The following ZYG11B variants were observed in gnomAD, a reference collection of about 807,000 sequenced individuals.
ZYG11B encodes the protein zyg-11 family member B, cell cycle regulator.
ZYG11B carries 36 observed loss-of-function variants against 82.4 expected under a neutral mutation model. The ratio of observed to expected loss-of-function variants is 0.44; its 90% CI spans 0.33 to 0.58. The LOEUF (loss-of-function observed/expected upper bound fraction) is 0.58. ZYG11B is among the 20% of genes least tolerant of loss of function. ZYG11B has a pLI of 0.02. For missense variants in ZYG11B, 552 were observed against 895.6 expected (o/e 0.62, Z 4.90); for synonymous variants, 303 against 312.8 (o/e 0.97, Z 0.33).
chr1:52,781,174 C>T (rs1644853045), intron 4 of ZYG11B, among the ~76,000 whole-genome samples: 1 of 152,040 alleles, frequency 6.6e-6, no homozygotes, highest in Admixed American at 6.6e-5. Context: ...GTCCTTTAAC[C>T]ACTAGAAGTC....
At chr1:52,766,521 A>G (rs927287677) in intron 2 of ZYG11B, among the ~76,000 whole-genome samples, 1 of 151,790 alleles carries the variant, frequency 6.6e-6, no homozygotes, top group Admixed American at 6.6e-5. Flanking sequence ...CTGTTGGCAT[A>G]TATTGATTAT....
At chr1:52,784,145 C>A (rs540610455) in intron 4 of ZYG11B, among the ~76,000 whole-genome samples, 18 of 152,116 alleles carry the variant, frequency 1.2e-4, no homozygotes, top group Non-Finnish European at 2.5e-4. Flanking sequence ...GCACGTGCCA[C>A]CATGCCCAGC....
At chr1:52,797,133 T>TA (rs1239755360) in intron 8 of ZYG11B, among the ~76,000 whole-genome samples, 2 of 74,298 alleles carry the variant, frequency 2.7e-5, no homozygotes, top group African/African-American at 7.4e-5. Context: ...ATATTATATA[T>TA]TTATATATTA....
At chr1:52,769,914 TTG>T (rs1417300933) in intron 2 of ZYG11B, among the ~76,000 whole-genome samples, 2 of 151,988 alleles carry the variant, frequency 1.3e-5, no homozygotes, top group Non-Finnish European at 2.9e-5. Flanking sequence ...TGTTGTTTAG[TTG>T]ATATGTGATA....
chr1:52,821,232 CTATT>C (rs1274600851), intron 13 of ZYG11B, among the ~76,000 whole-genome samples: 18 of 151,450 alleles, frequency 1.2e-4, no homozygotes, highest in Non-Finnish European at 2.2e-4. Context: ...ATCAAGCTAG[CTATT>C]TATTGATTGA....
intron 1 of ZYG11B, among the ~76,000 whole-genome samples, chr1:52,752,167 G>C (rs1571750566): frequency 6.6e-6 from 1 of 152,110 alleles, no homozygotes; most frequent in East Asian, 1.9e-4. Flanking sequence ...GTCAGTCTTG[G>C]CTACAAATTG....
At position 52,747,106 on chromosome 1, in the gene ZYG11B, G is replaced by T. The variant is rs533791617; in HGVS notation, c.31-9352G>T. 2.6e-5 allele frequency among the ~76,000 whole-genome samples: 4 copies of T among 151,986 alleles called. No individual in the cohort carries two copies. In the South Asian group the frequency reaches 8.3e-4, roughly 32 times the overall value. On this transcript the variant is annotated intron_variant, in intron 1 of 13. Transcript: ENST00000294353. ...AGTATAGAAGTTCTACAAGAAAGTT[G>T]TGAGGGGTAAATGATACAATGTGTG...
chr1:52,766,766 T>G (rs1010818531), intron 2 of ZYG11B, among the ~76,000 whole-genome samples: 1 of 152,160 alleles, frequency 6.6e-6, no homozygotes, highest in Non-Finnish European at 1.5e-5. Flanking sequence ...CCCAGCACTT[T>G]GGGAGGCCGA....
chr1:52,796,521 T>C (rs1645007445), intron 7 of ZYG11B, 130 bp downstream of exon 7: 1 of 945,402 alleles, frequency 1.1e-6, no homozygotes, highest in Middle Eastern at 2.2e-4. Context: ...CAAGCTACAT[T>C]CGATATTGCA....
rs1644284928 is a variant in ZYG11B at position 52,726,506 on chromosome 1, T to C, written c.-148T>C. On this transcript the variant is annotated 5_prime_UTR_variant, in exon 1 of 14. Coordinates refer to ENST00000294353, the MANE Select transcript of ZYG11B (RefSeq NM_024646.3). ...CTGCGGCTGCGGCTGCGGCTGCTAC[T>C]GCTACGCTCCTAGCTTGAGGGAAAG... The C allele has an allele frequency of 5.8e-6, 4 of 691,638 alleles. No individual in the cohort carries two copies. The highest frequency in any genetic ancestry group is 4.4e-5 in the Admixed American group (1 of 22,496). 42.8% of individuals were successfully genotyped at this position (691,638 alleles called of 1,614,324 possible).
chr1:52,773,627 A>ATATATATGTTTT (rs1553260059), intron 3 of ZYG11B, among the ~76,000 whole-genome samples: 1 of 29,244 alleles, frequency 3.4e-5, no homozygotes, highest in Non-Finnish European at 5.1e-5. Context: ...ATATATATAT[A>ATATATATGTTTT]TTTTTTTTTT....
In ZYG11B at chr1:52,821,629, A is replaced by G. The variant is rs1645285099; in HGVS notation, c.2235A>G (p.Ter745TrpextTer1). Residue 745 changes from the stop codon to tryptophan, a stop_lost, in exon 14 of 14, where the codon TGA becomes TGG. Coordinates refer to ENST00000294353, the MANE Select transcript of ZYG11B (RefSeq NM_024646.3). ...AACAGCCCCAAGCCAGACTAAATTG[A>G]TAGCCATAAGTATTGGATAGTTGAA... ...CKKQPQARLN[*>W] 1 of 1,610,170 alleles carries G rather than the reference A, an allele frequency of 6.2e-7. No individual in the cohort carries two copies. The highest frequency in any genetic ancestry group is 1.3e-5 in the African/African-American group (1 of 74,714).
chr1:52,733,569 G>A (rs140119705), intron 1 of ZYG11B, among the ~76,000 whole-genome samples: 185 of 152,254 alleles, frequency 1.2e-3, no homozygotes, highest in African/African-American at 4.3e-3. Context: ...GCTGAGGTGG[G>A]AGGATTGCTT....
chr1:52,810,553 A>G (rs978900232), intron 10 of ZYG11B, among the ~76,000 whole-genome samples: 1 of 152,210 alleles, frequency 6.6e-6, no homozygotes, highest in Non-Finnish European at 1.5e-5. Context: ...TTTAAAGGCA[A>G]TAGCTCACTT....
intron 1 of ZYG11B, among the ~76,000 whole-genome samples, chr1:52,740,408 C>A (rs1558117135): frequency 6.6e-6 from 1 of 152,142 alleles, no homozygotes; most frequent in Admixed American, 6.6e-5. Flanking sequence ...GCTTTACTTG[C>A]TTTTCAATTT....
At chr1:52,755,997 G>A (rs1354421341) in intron 1 of ZYG11B, among the ~76,000 whole-genome samples, 1 of 148,810 alleles carries the variant, frequency 6.7e-6, no homozygotes, top group East Asian at 2.0e-4. Flanking sequence ...ATGGGGTTTT[G>A]CCATGTTGGC....
chr1:52,767,086 GTTATA>G (rs200063788), intron 2 of ZYG11B, among the ~76,000 whole-genome samples: 1,803 of 146,210 alleles, frequency 0.012, 34 homozygotes, highest in African/African-American at 0.045. Context: ...GTTATTTTAT[GTTATA>G]TTATTTTGTT....
chr1:52,751,258 C>T (rs998201202), intron 1 of ZYG11B, among the ~76,000 whole-genome samples: 5 of 151,358 alleles, frequency 3.3e-5, no homozygotes, highest in Admixed American at 6.6e-5. Flanking sequence ...TGAGCCATCA[C>T]GCCCACCCCA....
intron 3 of ZYG11B, among the ~76,000 whole-genome samples, chr1:52,778,302 T>G (rs1644826096): frequency 6.6e-6 from 1 of 152,158 alleles, no homozygotes; most frequent in Non-Finnish European, 1.5e-5. Flanking sequence ...TTTGTTGATG[T>G]TTTGTAGAGA....
Sources: allele counts gnomAD v4.1 joint callset (sites outside exome capture counted in the v4.1 genomes callset), GRCh38; gene constraint gnomAD v4.1.1; transcripts MANE v1.5; gene names NCBI Gene and HGNC (gene_info 2026-07-23, HGNC 2026-07-21).